Variants in DDAH1 observed in about 807,000 individuals in gnomAD.
DDAH1 encodes dimethylarginine dimethylaminohydrolase 1.
DDAH1 carries 19 observed loss-of-function variants against 28.8 expected under a neutral mutation model. The observed-to-expected ratio is 0.66, with a 90% CI of 0.46 to 0.97. DDAH1 has a LOEUF of 0.97. Among genes scored for constraint, DDAH1 ranks in the 50% least tolerant of loss-of-function variants. The pLI is 0.00. For synonymous variants in DDAH1, 153 were observed against 154.4 expected (o/e 0.99, Z 0.07); for missense variants, 326 against 375.9 (o/e 0.87, Z 1.10).
intron 4 of DDAH1, among the ~76,000 whole-genome samples, chr1:85,331,531 C>T (rs1451479032): frequency 5.9e-5 from 9 of 152,030 alleles, no homozygotes; most frequent in Non-Finnish European, 1.2e-4. Flanking sequence ...TGCCCAAGTA[C>T]ACTCTTCATT....
At chr1:85,454,095 G>A (rs1654779148) in intron 1 of DDAH1, among the ~76,000 whole-genome samples, 1 of 152,158 alleles carries the variant, frequency 6.6e-6, no homozygotes, top group African/African-American at 2.4e-5. Flanking sequence ...AAGGGATTCA[G>A]GGAATGCTGC....
chr1:85,574,875 ATC>A (rs145762144), intron 1 of DDAH1, among the ~76,000 whole-genome samples: 2 of 151,356 alleles, frequency 1.3e-5, no homozygotes, highest in African/African-American at 4.9e-5. Flanking sequence ...GTGAAAACCC[ATC>A]TCTCTCTCTC....
At chr1:85,327,348 A>G (rs1292150191) in intron 4 of DDAH1, among the ~76,000 whole-genome samples, 4 of 152,094 alleles carry the variant, frequency 2.6e-5, no homozygotes, top group South Asian at 2.1e-4. Flanking sequence ...AAAAACCATA[A>G]AAGACTAGAC....
In DDAH1 at chr1:85,403,364, A is replaced by G. The variant is rs1557587932; in HGVS notation, c.304-44517T>C. ...AAAAAAAATCTGAAAAGAATAATTC[A>G]AAACGTGCGAGACACACTGTACTTA... On this transcript the variant is annotated intron_variant, in intron 1 of 5. Coordinates refer to ENST00000284031, the MANE Select transcript of DDAH1 (RefSeq NM_012137.4). Among the ~76,000 whole-genome samples the G allele has an allele frequency of 3.9e-5, 6 of 152,298 alleles. No homozygotes were observed. In the South Asian group the frequency reaches 1.2e-3, roughly 32 times the overall value.
chr1:85,467,231 C>T (rs1483096387), upstream of DDAH1: 3 of 152,224 alleles, frequency 2.0e-5, no homozygotes, highest in African/African-American at 7.2e-5. Context: ...CTTTACCAGA[C>T]ATTGAGGCTC....
At chr1:85,406,795 C>A (rs900673576) in intron 1 of DDAH1, among the ~76,000 whole-genome samples, 3 of 151,784 alleles carry the variant, frequency 2.0e-5, no homozygotes, top group Non-Finnish European at 4.4e-5. Context: ...TCATAAAGGG[C>A]AAGCTGAAAA....
At chr1:85,500,894 A>G (rs906114316) in intron 1 of DDAH1, among the ~76,000 whole-genome samples, 1 of 149,050 alleles carries the variant, frequency 6.7e-6, no homozygotes, top group Non-Finnish European at 1.5e-5. Context: ...TAGGTGTTAC[A>G]TTTTTCAGTT....
intron 1 of DDAH1, among the ~76,000 whole-genome samples, chr1:85,410,154 A>C (rs1054340135): frequency 2.0e-5 from 3 of 151,702 alleles, no homozygotes; most frequent in Non-Finnish European, 2.9e-5. Context: ...ACTGCCAAAC[A>C]CCTGTAGTCC....
rs943948151 is a variant in DDAH1 at position 85,494,827 on chromosome 1, G to C, written c.-7+1339C>G. ...AGGTCACTTGGTCTATCTCAGGCAGGCAGGCAGAATCATATCTTTGTGCAC... is the reference window on the plus strand; with the variant it reads ...AGGTCACTTGGTCTATCTCAGGCAGCCAGGCAGAATCATATCTTTGTGCAC... On this transcript the variant is annotated intron_variant, in intron 2 of 6. Coordinates refer to the DDAH1 transcript ENST00000426972. 2.0e-5 allele frequency: 3 copies of C among 152,422 alleles called. 1 individual carries two copies. The highest frequency in any genetic ancestry group is 1.3e-4 in the Admixed American group (2 of 15,300). 9.4% of individuals were successfully genotyped at this position (152,422 alleles called of 1,614,324 possible).
chr1:85,489,603 C>CAG (rs1348370573), intron 2 of DDAH1, among the ~76,000 whole-genome samples: 1 of 151,796 alleles, frequency 6.6e-6, no homozygotes, highest in African/African-American at 2.4e-5. Context: ...TTATGAGAAT[C>CAG]AGAGAGAGAG....
chr1:85,415,897 T>C (rs911544064), intron 1 of DDAH1, among the ~76,000 whole-genome samples: 1 of 152,202 alleles, frequency 6.6e-6, no homozygotes, highest in African/African-American at 2.4e-5. Flanking sequence ...TCTGAATGTA[T>C]ACTTTTCAAT....
intron 1 of DDAH1, among the ~76,000 whole-genome samples, chr1:85,563,606 G>T (rs368696590): frequency 6.6e-6 from 1 of 152,066 alleles, no homozygotes; most frequent in Non-Finnish European, 1.5e-5. Context: ...TCTAGCACCC[G>T]ACAAGGTAGA....
At position 85,414,213 on chromosome 1, in the gene DDAH1, G is replaced by C. The variant is rs189760992; in HGVS notation, c.303+50530C>G. ...ATATAGGGCTATAGCTCACAACAAA[G>C]AGAGCATTGTAGATCAGCAGGAAAA... On this transcript the variant is annotated intron_variant, in intron 1 of 5. Transcript: ENST00000284031. 2.2e-3 allele frequency among the ~76,000 whole-genome samples: 328 copies of C among 152,290 alleles called. 2 individuals carry two copies. Among genetic ancestry groups the C allele is most frequent in the African/African-American group, 7.7e-3 (319 of 41,556 alleles).
chr1:85,465,233 G>GCCCGCGCGCAT (rs1553138370), upstream of DDAH1: 9 of 1,105,674 alleles, frequency 8.1e-6, no homozygotes, highest in African/African-American at 1.7e-5. Context: ...CCGGGCGCCG[G>GCCCGCGCGCAT]CCCGCGCGCA....
At chr1:85,554,076 T>C (rs1658886392) in intron 1 of DDAH1, among the ~76,000 whole-genome samples, 1 of 152,226 alleles carries the variant, frequency 6.6e-6, no homozygotes, top group Non-Finnish European at 1.5e-5. Flanking sequence ...AGCACCAACA[T>C]GTCCTCCACT....
Position 85,320,744 on chromosome 1 carries a change from CTG to C in DDAH1, c.*706_*707del, listed in dbSNP as rs1325241270. The stretch of plus-strand genomic sequence containing the variant: ...GGGCAAACCCTGTCAGGATGTGCCT[CTG>C]TGTAGTTAACACTGCCCCAGACAGC... On this transcript the variant is annotated 3_prime_UTR_variant, in exon 6 of 6. Transcript: ENST00000284031. 6.6e-6 allele frequency: 1 copy of C among 152,256 alleles called. No homozygotes were observed. The highest frequency in any genetic ancestry group is 1.5e-5 in the Non-Finnish European group (1 of 68,080). 9.4% of individuals were successfully genotyped at this position (152,256 alleles called of 1,614,324 possible).
At chr1:85,547,965 AC>A (rs1658676162) in intron 1 of DDAH1, among the ~76,000 whole-genome samples, 1 of 152,218 alleles carries the variant, frequency 6.6e-6, no homozygotes, top group Non-Finnish European at 1.5e-5. Flanking sequence ...AAATAAGTTG[AC>A]ACAGGCCATT....
Position 85,430,869 on chromosome 1 carries a change from T to C in DDAH1, c.303+33874A>G, listed in dbSNP as rs1031002772. 3.9e-5 allele frequency among the ~76,000 whole-genome samples: 6 copies of C among 152,270 alleles called. No individual in the cohort carries two copies. The South Asian group carries it at 1.2e-3, about 32-fold the overall frequency. Reference sequence around the variant, plus strand: ...CAATTTGACTTCCTCTCTTCCTATTTGAATACCCTTTATTTCTTTCTCTTG... The same window carrying C: ...CAATTTGACTTCCTCTCTTCCTATTCGAATACCCTTTATTTCTTTCTCTTG... On this transcript the variant is annotated intron_variant, in intron 1 of 5. Transcript: ENST00000284031.
At position 85,537,241 on chromosome 1, in the gene DDAH1, G is replaced by A. The variant is rs1461503710; in HGVS notation, c.-123+40743C>T. On this transcript the variant is annotated intron_variant, in intron 1 of 6. Coordinates refer to the DDAH1 transcript ENST00000426972. The stretch of plus-strand genomic sequence containing the variant: ...CCCAGTTACTCAGGAGGTTGAGGTC[G>A]GAGGATCACTTGAGCCTGTGAGGTG... Among the ~76,000 whole-genome samples, 7 of 151,520 alleles carry A rather than the reference G, an allele frequency of 4.6e-5. No individual in the cohort carries two copies. The South Asian group carries it at 6.3e-4, about 14-fold the overall frequency.
Sources: allele counts gnomAD v4.1 joint callset (sites outside exome capture counted in the v4.1 genomes callset), GRCh38; gene constraint gnomAD v4.1.1; transcripts MANE v1.5; gene names NCBI Gene and HGNC (gene_info 2026-07-23, HGNC 2026-07-21).